The following ADIPOR2 variants were observed in gnomAD, a reference collection of about 807,000 sequenced individuals.
The protein encoded by ADIPOR2 is adiponectin receptor protein 2.
ADIPOR2 carries 18 observed loss-of-function variants against 40.9 expected under a neutral mutation model. The observed-to-expected ratio is 0.44, with a 90% CI of 0.30 to 0.65. ADIPOR2 has a LOEUF of 0.65. ADIPOR2 is among the 30% of genes least tolerant of loss of function. ADIPOR2 has a pLI of 0.09. For missense variants in ADIPOR2, 283 were observed against 479.2 expected (o/e 0.59, Z 3.82); for synonymous variants, 165 against 166.4 (o/e 0.99, Z 0.06).
intron 1 of ADIPOR2, among the ~76,000 whole-genome samples, chr12:1,721,945 C>T (rs1487593422): frequency 6.6e-6 from 1 of 152,108 alleles, no homozygotes; most frequent in Admixed American, 6.5e-5. Context: ...TAGTCAGGGT[C>T]TAAATCATTT....
At chr12:1,778,312 G>A (rs897790882) in intron 4 of ADIPOR2, 22 of 246,966 alleles carry the variant, frequency 8.9e-5, no homozygotes, top group Admixed American at 2.8e-4. Context: ...ATATTGTAGT[G>A]ACCACTGAGA....
chr12:1,779,894 T>C (rs1051100536), intron 4 of ADIPOR2, among the ~76,000 whole-genome samples: 2 of 152,218 alleles, frequency 1.3e-5, no homozygotes, highest in Non-Finnish European at 2.9e-5. Context: ...AGTGTAAGAA[T>C]TGGTTAGGAA....
At chr12:1,706,721 GT>G (rs1473236771) in intron 1 of ADIPOR2, among the ~76,000 whole-genome samples, 1 of 152,088 alleles carries the variant, frequency 6.6e-6, no homozygotes, top group African/African-American at 2.4e-5. Context: ...TGGAATTTCT[GT>G]TATCTCCAAA....
At position 1,784,033 on chromosome 12, in the gene ADIPOR2, G is replaced by C; in HGVS notation, c.992G>C (p.Arg331Pro). 1 of 1,604,374 alleles carries C rather than the reference G, an allele frequency of 6.2e-7. No homozygotes were observed. The highest frequency in any genetic ancestry group is 8.5e-7 in the Non-Finnish European group (1 of 1,174,598). The change falls in exon 7 of 8, where the codon CGG (arginine) becomes CCG (proline). Residue 331 changes from arginine (R) to proline (P), a missense_variant. Transcript: ENST00000357103. ...YITGAALYAA[R>P]IPERFFPGKC... The stretch of plus-strand genomic sequence containing the variant: ...ACAGGAGCTGCCCTGTATGCTGCCC[G>C]GATCCCCGAACGCTTTTTCCCTGGC...
At chr12:1,728,958 G>GTTTTTTTTTTTTTTTTTTTTTTTTT (rs66842156) in intron 1 of ADIPOR2, among the ~76,000 whole-genome samples, 5 of 110,054 alleles carry the variant, frequency 4.5e-5, no homozygotes, top group Non-Finnish European at 5.4e-5. Context: ...GTTCTGGACT[G>GTTTTTTTTTTTTTTTTTTTTTTTTT]TTTTTTTTTT....
chr12:1,766,599 A>G (rs12831353), intron 2 of ADIPOR2, among the ~76,000 whole-genome samples: 48,168 of 152,164 alleles, frequency 0.32, 8,325 homozygotes, highest in East Asian at 0.49. Flanking sequence ...TTGCTAAAGT[A>G]TATAGTTAGG....
At position 1,721,109 on chromosome 12, in the gene ADIPOR2, A is replaced by AG. The variant is rs2094696998; in HGVS notation, c.-87+29918_-87+29919insG. Among the ~76,000 whole-genome samples the AG allele has an allele frequency of 2.0e-5, 3 of 152,090 alleles. No individual in the cohort carries two copies. In the South Asian group the frequency reaches 6.2e-4, roughly 32 times the overall value. On this transcript the variant is annotated intron_variant, in intron 1 of 7. Coordinates refer to ENST00000357103, the MANE Select transcript of ADIPOR2 (RefSeq NM_024551.3). ...TCTCAAGTCTCCCCGAAATGTATAA[A>AG]ACTAAACTTTGCCCCGGCCACCTTG...
At chr12:1,695,024 T>TTG (rs1555164945) in intron 1 of ADIPOR2, among the ~76,000 whole-genome samples, 7 of 144,540 alleles carry the variant, frequency 4.8e-5, no homozygotes, top group African/African-American at 1.0e-4. Context: ...TTTTTTTTTT[T>TTG]TTTGTTTTGT....
At chr12:1,730,586 C>T (rs181767472) in intron 1 of ADIPOR2, 165 of 148,348 alleles carry the variant, frequency 1.1e-3, no homozygotes, top group African/African-American at 3.9e-3. Flanking sequence ...TACTGCACTC[C>T]AGCCTGGGTG....
At chr12:1,703,624 G>A (rs1013173673) in intron 1 of ADIPOR2, among the ~76,000 whole-genome samples, 1 of 151,958 alleles carries the variant, frequency 6.6e-6, no homozygotes, top group African/African-American at 2.4e-5. Context: ...GACTGAGGTG[G>A]GAGGATAGCT....
chr12:1,742,905 C>T (rs1467628911), intron 1 of ADIPOR2, among the ~76,000 whole-genome samples: 1 of 152,106 alleles, frequency 6.6e-6, no homozygotes, highest in Non-Finnish European at 1.5e-5. Context: ...CTTTAGGATT[C>T]AGGATTTACT....
chr12:1,743,113 C>T (rs966549415), intron 1 of ADIPOR2, among the ~76,000 whole-genome samples: 7 of 150,052 alleles, frequency 4.7e-5, no homozygotes, highest in African/African-American at 7.4e-5. Flanking sequence ...TCTCGAGGGC[C>T]GGATGTGGTT....
rs2094685923 is a variant in ADIPOR2 at position 1,715,593 on chromosome 12, A to G, written c.-87+24402A>G. Among the ~76,000 whole-genome samples the G allele has an allele frequency of 2.0e-5, 3 of 152,258 alleles. No homozygotes were observed. The South Asian group carries it at 6.2e-4, about 32-fold the overall frequency. ...ATAGAATTCCCCTCTGGAGGACACTACCACTGCAGGGCCCCTTCTTTACCC... is the reference window on the plus strand; with the variant it reads ...ATAGAATTCCCCTCTGGAGGACACTGCCACTGCAGGGCCCCTTCTTTACCC... On this transcript the variant is annotated intron_variant, in intron 1 of 7. Coordinates refer to ENST00000357103, the MANE Select transcript of ADIPOR2 (RefSeq NM_024551.3).
rs568930250 is a variant in ADIPOR2, at chr12:1,704,845, C to T, written c.-87+13654C>T. On this transcript the variant is annotated intron_variant, in intron 1 of 7. Coordinates refer to ENST00000357103, the MANE Select transcript of ADIPOR2 (RefSeq NM_024551.3). ...AAATTTTTCTTTTTTCTTTTTATTCCTTTTCTTTCTCATACTGGTGGTCAG... is the reference window on the plus strand; with the variant it reads ...AAATTTTTCTTTTTTCTTTTTATTCTTTTTCTTTCTCATACTGGTGGTCAG... Among the ~76,000 whole-genome samples the T allele has an allele frequency of 3.3e-5, 5 of 151,972 alleles. No homozygotes were observed. In the South Asian group the frequency reaches 1.0e-3, roughly 32 times the overall value.
rs964857313 is a variant in ADIPOR2, at chr12:1,767,978, A to G, written c.172-4864A>G. Among the ~76,000 whole-genome samples, 10 of 152,224 alleles carry G rather than the reference A, an allele frequency of 6.6e-5. 1 individual carries two copies. The highest frequency in any genetic ancestry group is 1.2e-4 in the Non-Finnish European group (8 of 68,020). On this transcript the variant is annotated intron_variant, in intron 2 of 7. Transcript: ENST00000357103. The stretch of plus-strand genomic sequence containing the variant: ...ATGATGAAGTTATTTACTGGTTTGC[A>G]TTCTTACCTTCCTGGGCAAGAATTT...
chr12:1,698,513 A>G (rs748813633), intron 1 of ADIPOR2, among the ~76,000 whole-genome samples: 3 of 151,982 alleles, frequency 2.0e-5, no homozygotes, highest in Non-Finnish European at 2.9e-5. Flanking sequence ...TTGAGCCACC[A>G]TGACAGGCCC....
chr12:1,761,746 GT>G (rs1862274095), intron 2 of ADIPOR2, among the ~76,000 whole-genome samples: 1 of 152,164 alleles, frequency 6.6e-6, no homozygotes, highest in African/African-American at 2.4e-5. Context: ...CTCATCATCT[GT>G]TCTGCCATTA....
At chr12:1,707,384 A>G (rs1420046309) in intron 1 of ADIPOR2, among the ~76,000 whole-genome samples, 1 of 147,316 alleles carries the variant, frequency 6.8e-6, no homozygotes, top group African/African-American at 2.5e-5. Flanking sequence ...AATCTCATTT[A>G]CATTATATGC....
intron 7 of ADIPOR2, among the ~76,000 whole-genome samples, chr12:1,785,715 T>C (rs879049431): frequency 6.7e-6 from 1 of 148,212 alleles, no homozygotes; most frequent in African/African-American, 2.5e-5. Flanking sequence ...GTGTAGAGCT[T>C]AGTGGCAGCA....
Sources: allele counts gnomAD v4.1 joint callset (sites outside exome capture counted in the v4.1 genomes callset), GRCh38; gene constraint gnomAD v4.1.1; transcripts MANE v1.5; gene names NCBI Gene and HGNC (gene_info 2026-07-23, HGNC 2026-07-21).